The following NR6A1 variants were observed in gnomAD, a reference collection of about 807,000 sequenced individuals.
NR6A1 encodes the protein nuclear receptor subfamily 6 group A member 1, also known as retinoic acid receptor-related testis-associated receptor.
A neutral mutation model predicts 59.1 loss-of-function variants in NR6A1; 7 were observed. The observed-to-expected ratio is 0.12, with a 90% CI of 0.07 to 0.22. NR6A1 has a LOEUF of 0.22. Among genes scored for constraint, NR6A1 ranks in the 10% least tolerant of loss-of-function variants. The probability of loss-of-function intolerance (pLI) is 1.00; values close to 1 mark genes in which losing one functional copy is unlikely to be tolerated. For missense variants in NR6A1, 468 were observed against 611.6 expected (o/e 0.77, Z 2.48); for synonymous variants, 243 against 236.1 (o/e 1.03, Z -0.27).
Position 124,692,467 on chromosome 9 carries a change from G to A in NR6A1, c.142+40841C>T, listed in dbSNP as rs1192207960. ...AGAAGGGCTATCAGGCCAGCCTTCAGAGGACTCCAAGGAACATTCAACGCT... is the reference window on the plus strand; with the variant it reads ...AGAAGGGCTATCAGGCCAGCCTTCAAAGGACTCCAAGGAACATTCAACGCT... On this transcript the variant is annotated intron_variant, in intron 2 of 9. Transcript: ENST00000487099. The A allele has an allele frequency of 5.7e-6, 3 of 530,850 alleles. No homozygotes were observed. The African/African-American group carries it at 5.8e-5, about 10-fold the overall frequency. The allele number at this position is 530,850 out of a possible 1,614,324, so 32.9% of individuals were successfully genotyped here. A position where few individuals can be genotyped will look rare whatever the true frequency, so the allele number is the denominator to read the frequency against.
intron 2 of NR6A1, among the ~76,000 whole-genome samples, chr9:124,597,260 T>A (rs1835297246): frequency 6.6e-6 from 1 of 151,814 alleles, no homozygotes; most frequent in Admixed American, 6.6e-5. Context: ...CCATCATAAA[T>A]ACACTGACCA....
At chr9:124,741,641 C>T (rs369091888) in intron 1 of NR6A1, among the ~76,000 whole-genome samples, 1 of 152,228 alleles carries the variant, frequency 6.6e-6, no homozygotes, top group African/African-American at 2.4e-5. Flanking sequence ...AGATTAAAGC[C>T]TACTGAAGAA....
intron 2 of NR6A1, among the ~76,000 whole-genome samples, chr9:124,563,407 T>TTAA (rs1834135401): frequency 2.0e-5 from 3 of 152,238 alleles, no homozygotes; most frequent in Admixed American, 2.0e-4. Flanking sequence ...ATTTCAGACA[T>TTAA]ACTAATATAA....
At chr9:124,599,443 C>T in intron 2 of NR6A1, 5 of 410,282 alleles carry the variant, frequency 1.2e-5, no homozygotes, top group South Asian at 7.6e-5. Context: ...AAAAGTTCCT[C>T]TTCATCTTCC....
chr9:124,648,237 G>C (rs566882975), intron 2 of NR6A1, among the ~76,000 whole-genome samples: 1 of 152,032 alleles, frequency 6.6e-6, no homozygotes, highest in African/African-American at 2.4e-5. Flanking sequence ...TCCACCACAC[G>C]CCTGTAATCC....
rs149726171 is a variant in NR6A1, at chr9:124,691,007, C to T, written c.142+42301G>A. 3.9e-5 allele frequency among the ~76,000 whole-genome samples: 6 copies of T among 152,204 alleles called. No homozygotes were observed. In the East Asian group the frequency reaches 1.2e-3, roughly 29 times the overall value. ...TTAAGGAATAATATTTTGTAAGCAT[C>T]TAAAGGTTTGGTGAAGTCAAAATCA... is the stretch of plus-strand genomic sequence containing the variant. On this transcript the variant is annotated intron_variant, in intron 2 of 9. Coordinates refer to ENST00000487099, the MANE Select transcript of NR6A1 (RefSeq NM_033334.4).
chr9:124,539,170 G>A (rs1206672726), intron 5 of NR6A1, among the ~76,000 whole-genome samples: 1 of 152,042 alleles, frequency 6.6e-6, no homozygotes, highest in East Asian at 1.9e-4. Context: ...CTCCCAAAGT[G>A]CTGGGAATAC....
intron 2 of NR6A1, among the ~76,000 whole-genome samples, chr9:124,644,585 CACATATTTTAGAG>C (rs1313044532): frequency 6.6e-6 from 1 of 152,024 alleles, no homozygotes; most frequent in South Asian, 2.1e-4. Context: ...TAATATGTGC[CACATATTTTAGAG>C]ACATTGGTAA....
intron 2 of NR6A1, among the ~76,000 whole-genome samples, chr9:124,629,073 C>A (rs1298859629): frequency 6.6e-6 from 1 of 152,234 alleles, no homozygotes; most frequent in African/African-American, 2.4e-5. Context: ...CAATGCCTCC[C>A]TTTTACCATC....
intron 2 of NR6A1, among the ~76,000 whole-genome samples, chr9:124,687,057 C>T (rs1838355625): frequency 6.6e-6 from 1 of 151,806 alleles, no homozygotes; most frequent in Non-Finnish European, 1.5e-5. Context: ...AGAAATACTG[C>T]CCTAGCACTA....
intron 2 of NR6A1, among the ~76,000 whole-genome samples, chr9:124,571,620 G>A (rs1056553260): frequency 2.6e-5 from 4 of 152,126 alleles, no homozygotes; most frequent in African/African-American, 7.2e-5. Flanking sequence ...TGCTAACTTC[G>A]GATGAGAGTG....
chr9:124,668,153 T>C (rs1198558783), intron 2 of NR6A1, among the ~76,000 whole-genome samples: 1 of 152,206 alleles, frequency 6.6e-6, no homozygotes, highest in African/African-American at 2.4e-5. Context: ...TATATTGTAT[T>C]ACTATAATAA....
At chr9:124,756,929 T>C (rs1159719022) in intron 1 of NR6A1, among the ~76,000 whole-genome samples, 2 of 150,714 alleles carry the variant, frequency 1.3e-5, no homozygotes, top group Non-Finnish European at 3.0e-5. Context: ...AGCACAGCTC[T>C]GACCAGACTG....
chr9:124,655,798 G>A (rs1837240512), intron 2 of NR6A1, among the ~76,000 whole-genome samples: 1 of 152,176 alleles, frequency 6.6e-6, no homozygotes, highest in Non-Finnish European at 1.5e-5. Flanking sequence ...CTTCTGAGAT[G>A]GGTCAGAACA....
chr9:124,636,455 G>A (rs1229901097), intron 2 of NR6A1, among the ~76,000 whole-genome samples: 1 of 152,078 alleles, frequency 6.6e-6, no homozygotes, highest in South Asian at 2.1e-4. Context: ...CACAGATTGT[G>A]CCTTTGGTGT....
chr9:124,553,485 C>T (rs1046869919), intron 3 of NR6A1, among the ~76,000 whole-genome samples: 4 of 151,604 alleles, frequency 2.6e-5, no homozygotes, highest in South Asian at 2.1e-4. Flanking sequence ...CAACATTTTG[C>T]CCCACCCTTT....
rs112070423 is a variant in NR6A1, at chr9:124,555,670, G to A, written c.143-1100C>T. Among the ~76,000 whole-genome samples the A allele has an allele frequency of 8.3e-3, 1,269 of 152,226 alleles. 17 individuals carry two copies. The highest frequency in any genetic ancestry group is 0.029 in the African/African-American group (1,211 of 41,542). On this transcript the variant is annotated intron_variant, in intron 2 of 9. Transcript: ENST00000487099. ...ATCATTATACCATGAATTAGAGACC[G>A]CTTATAATTAGAGAGATTCTAATTT...
chr9:124,764,159 G>C (rs1017798040), intron 1 of NR6A1, among the ~76,000 whole-genome samples: 7 of 151,478 alleles, frequency 4.6e-5, no homozygotes, highest in Admixed American at 4.6e-4. Flanking sequence ...ACTCCAGCCT[G>C]GGCAACAGAG....
chr9:124,762,219 T>G (rs1484241323), intron 1 of NR6A1, among the ~76,000 whole-genome samples: 1 of 152,216 alleles, frequency 6.6e-6, no homozygotes, highest in African/African-American at 2.4e-5. Flanking sequence ...TTATGTGGCT[T>G]TGTCTATTGA....
Sources: allele counts gnomAD v4.1 joint callset (sites outside exome capture counted in the v4.1 genomes callset), GRCh38; gene constraint gnomAD v4.1.1; transcripts MANE v1.5; gene names NCBI Gene and HGNC (gene_info 2026-07-23, HGNC 2026-07-21).